GALNTL6: variants seen among roughly 807,000 people sequenced by gnomAD.
The protein encoded by GALNTL6 is polypeptide N-acetylgalactosaminyltransferase-like 6.
Under a neutral mutation model 73.7 loss-of-function variants are expected in GALNTL6, and 46 were observed. The ratio of observed to expected loss-of-function variants is 0.62; its 90% confidence interval spans 0.49 to 0.80. The LOEUF (loss-of-function observed/expected upper bound fraction) is 0.80, where lower values mean the gene tolerates loss of function less well. Ranked by LOEUF, GALNTL6 falls within the 30% of genes least tolerant of loss-of-function variation. GALNTL6 has a pLI of 0.00. For missense variants in GALNTL6, 604 were observed against 755.0 expected (o/e 0.80, Z 2.34); for synonymous variants, 259 against 263.7 (o/e 0.98, Z 0.17).
At chr4:172,857,842 A>G (rs1744196577) in intron 7 of GALNTL6, among the ~76,000 whole-genome samples, 1 of 152,220 alleles carries the variant, frequency 6.6e-6, no homozygotes, top group African/African-American at 2.4e-5. Context: ...TGAGGAAGGA[A>G]ATGGCTCTTT....
chr4:172,652,894 A>C (rs938386576), intron 5 of GALNTL6, among the ~76,000 whole-genome samples: 1 of 151,888 alleles, frequency 6.6e-6, no homozygotes, highest in Admixed American at 6.6e-5. Context: ...TTCAGCTTCC[A>C]TTTCTTTTAA....
chr4:172,118,128 C>T (rs1733036505), intron 2 of GALNTL6, among the ~76,000 whole-genome samples: 2 of 151,746 alleles, frequency 1.3e-5, no homozygotes, highest in South Asian at 2.1e-4. Context: ...GAGTAGACAG[C>T]GGTATAGGTG....
intron 2 of GALNTL6, among the ~76,000 whole-genome samples, chr4:171,844,963 C>G (rs1316148177): frequency 6.6e-6 from 1 of 152,110 alleles, no homozygotes; most frequent in Non-Finnish European, 1.5e-5. Flanking sequence ...TGCAGGTTTG[C>G]TAGTCTCCAA....
At chr4:171,844,625 T>C (rs888898374) in intron 2 of GALNTL6, among the ~76,000 whole-genome samples, 2 of 152,170 alleles carry the variant, frequency 1.3e-5, no homozygotes, top group Non-Finnish European at 2.9e-5. Context: ...ACAGCAGATA[T>C]GACCAGAGCA....
chr4:172,940,683 T>C (rs1748873433), intron 9 of GALNTL6, among the ~76,000 whole-genome samples: 1 of 120,190 alleles, frequency 8.3e-6, no homozygotes, highest in African/African-American at 3.1e-5. Flanking sequence ...TTATTATTAT[T>C]ATTATTTAGA....
intron 2 of GALNTL6, among the ~76,000 whole-genome samples, chr4:171,863,404 A>G (rs1427710198): frequency 6.6e-6 from 1 of 152,232 alleles, no homozygotes; most frequent in South Asian, 2.1e-4. Context: ...AAATAAAAGA[A>G]ATAGAATTTC....
chr4:172,996,927 G>T (rs1204109834), intron 10 of GALNTL6, among the ~76,000 whole-genome samples: 1 of 151,952 alleles, frequency 6.6e-6, no homozygotes, highest in Non-Finnish European at 1.5e-5. Flanking sequence ...CTACTCCATG[G>T]TGCCTTTTCT....
At chr4:172,923,749 G>T (rs1393105399) in intron 8 of GALNTL6, among the ~76,000 whole-genome samples, 1 of 152,094 alleles carries the variant, frequency 6.6e-6, no homozygotes, top group Non-Finnish European at 1.5e-5. Context: ...TGGCTGGGGA[G>T]GCCTCACTAT....
intron 5 of GALNTL6, among the ~76,000 whole-genome samples, chr4:172,634,572 A>G (rs1428709390): frequency 6.6e-6 from 1 of 152,200 alleles, no homozygotes; most frequent in Non-Finnish European, 1.5e-5. Context: ...CTGACATGCA[A>G]GAATGAAATT....
At chr4:172,027,436 A>G (rs893177816) in intron 2 of GALNTL6, among the ~76,000 whole-genome samples, 6 of 152,042 alleles carry the variant, frequency 3.9e-5, no homozygotes, top group Admixed American at 3.9e-4. Context: ...GTTTTGGGGT[A>G]CCACAAACTG....
intron 3 of GALNTL6, among the ~76,000 whole-genome samples, chr4:172,307,752 A>G (rs1740196260): frequency 6.6e-6 from 1 of 152,114 alleles, no homozygotes; most frequent in African/African-American, 2.4e-5. Flanking sequence ...TGTTTTGATA[A>G]CTATAGCCTT....
chr4:172,337,490 C>T (rs1247298050), intron 4 of GALNTL6, among the ~76,000 whole-genome samples: 1 of 151,944 alleles, frequency 6.6e-6, no homozygotes, highest in Non-Finnish European at 1.5e-5. Flanking sequence ...AATAAGTTCC[C>T]TTTGTGATTA....
At chr4:171,878,688 G>T (rs1736346830) in intron 2 of GALNTL6, among the ~76,000 whole-genome samples, 1 of 152,060 alleles carries the variant, frequency 6.6e-6, no homozygotes, top group African/African-American at 2.4e-5. Flanking sequence ...ATAAAGAAAT[G>T]ATCGATGGTT....
rs1368934531 is a variant in GALNTL6 at position 172,222,046 on chromosome 4, GA to G, written c.139-7608del. Among the ~76,000 whole-genome samples, 5 of 151,826 alleles carry G rather than the reference GA, an allele frequency of 3.3e-5. No homozygotes were observed. The East Asian group carries it at 9.7e-4, about 29-fold the overall frequency. ...TTCTGGCTATGTTATTGAAACTTAAGAAGCAATAATATAGGAGAAAAGGGGA... is the reference window on the plus strand; with the variant it reads ...TTCTGGCTATGTTATTGAAACTTAAGAGCAATAATATAGGAGAAAAGGGGA... On this transcript the variant is annotated intron_variant, in intron 2 of 12. Coordinates refer to ENST00000506823, the MANE Select transcript of GALNTL6 (RefSeq NM_001034845.3).
intron 2 of GALNTL6, among the ~76,000 whole-genome samples, chr4:172,072,413 T>A (rs1731571917): frequency 6.6e-6 from 1 of 152,168 alleles, no homozygotes; most frequent in African/African-American, 2.4e-5. Flanking sequence ...CAGTTTCATA[T>A]CTTCATATGC....
intron 3 of GALNTL6, among the ~76,000 whole-genome samples, chr4:172,240,193 C>T (rs1318348124): frequency 6.6e-6 from 1 of 150,810 alleles, no homozygotes; most frequent in Non-Finnish European, 1.5e-5. Flanking sequence ...CATCTCTTGA[C>T]ATAATTCCAT....
intron 2 of GALNTL6, among the ~76,000 whole-genome samples, chr4:171,934,386 TG>T (rs1738278699): frequency 6.6e-6 from 1 of 152,190 alleles, no homozygotes; most frequent in Admixed American, 6.6e-5. Flanking sequence ...TCTTTATGTA[TG>T]TATGTATATC....
intron 2 of GALNTL6, among the ~76,000 whole-genome samples, chr4:172,083,502 C>T (rs1023042799): frequency 6.6e-6 from 1 of 152,206 alleles, no homozygotes; most frequent in African/African-American, 2.4e-5. Flanking sequence ...GTTCTTGGCC[C>T]AGGGCCTTTG....
At chr4:172,847,786 T>C (rs1210061058) in intron 7 of GALNTL6, among the ~76,000 whole-genome samples, 1 of 152,170 alleles carries the variant, frequency 6.6e-6, no homozygotes, top group African/African-American at 2.4e-5. Context: ...TTTGAGGGTA[T>C]GAGGACATCT....
Sources: gnomAD v4.1 joint callset for allele counts (sites outside exome capture counted in the v4.1 genomes callset) on GRCh38, gnomAD v4.1.1 for gene constraint, MANE v1.5 for transcripts, NCBI Gene and HGNC (gene_info 2026-07-23, HGNC 2026-07-21) for gene names.